Variants in RBMS3 observed in about 807,000 individuals in gnomAD.
RBMS3 encodes RNA binding motif single stranded interacting protein 3, also known as RNA-binding motif, single-stranded-interacting protein 3.
Under a neutral mutation model 66.8 loss-of-function variants are expected in RBMS3, and 27 were observed. The ratio of observed to expected loss-of-function variants is 0.40; its 90% CI spans 0.30 to 0.56. The LOEUF (loss-of-function observed/expected upper bound fraction) is 0.56, where lower values mean the gene tolerates loss of function less well. Among genes scored for constraint, RBMS3 ranks in the 20% least tolerant of loss-of-function variants. The pLI, the probability that RBMS3 is intolerant of heterozygous loss-of-function variation, is 0.40. For missense variants in RBMS3, 513 were observed against 549.5 expected, an observed-to-expected ratio of 0.93 and a Z score of 0.66; for synonymous variants, 188 against 183.0, an observed-to-expected ratio of 1.03 and a Z score of -0.22.
chr3:29,877,873 T>C (rs1284062573), intron 7 of RBMS3, among the ~76,000 whole-genome samples: 1 of 152,166 alleles, frequency 6.6e-6, no homozygotes, highest in African/African-American at 2.4e-5. Context: ...TTTCCGAGAA[T>C]AGTTTCTCCC....
At chr3:29,418,459 A>G (rs1306655000) in intron 1 of RBMS3, among the ~76,000 whole-genome samples, 1 of 152,182 alleles carries the variant, frequency 6.6e-6, no homozygotes, top group African/African-American at 2.4e-5. Context: ...AATAAATAAA[A>G]GGAAATGTGC....
At chr3:29,892,802 AGTATGTAT>A (rs370739212) in intron 8 of RBMS3, among the ~76,000 whole-genome samples, 28 of 140,300 alleles carry the variant, frequency 2.0e-4, no homozygotes, top group South Asian at 1.6e-3. Flanking sequence ...CTCTGCTTGA[AGTATGTAT>A]GTATGTATGT....
At chr3:29,383,477 C>T (rs991786983) in intron 1 of RBMS3, among the ~76,000 whole-genome samples, 2 of 152,158 alleles carry the variant, frequency 1.3e-5, no homozygotes, top group Non-Finnish European at 2.9e-5. Context: ...TCTTCCATGA[C>T]ACTTGTAAAT....
At chr3:29,544,442 A>G (rs2045873733) in intron 3 of RBMS3, among the ~76,000 whole-genome samples, 1 of 152,218 alleles carries the variant, frequency 6.6e-6, no homozygotes, top group East Asian at 1.9e-4. Context: ...TATATTAAAA[A>G]CTAACTTTGG....
intron 10 of RBMS3, among the ~76,000 whole-genome samples, chr3:29,915,867 C>G (rs2060626320): frequency 6.6e-6 from 1 of 151,934 alleles, no homozygotes; most frequent in Admixed American, 6.6e-5. Flanking sequence ...CTGGAAAAAA[C>G]TTCTAATGCA....
intron 4 of RBMS3, among the ~76,000 whole-genome samples, chr3:29,652,526 G>A (rs569776055): frequency 6.6e-6 from 1 of 152,086 alleles, no homozygotes; most frequent in South Asian, 2.1e-4. Context: ...GTGATCTTGG[G>A]GAGGAGTTGA....
rs147590464 is a variant in RBMS3 at position 29,619,871 on chromosome 3, GT to G, written c.399+32677del. 3.5e-4 allele frequency among the ~76,000 whole-genome samples: 52 copies of G among 147,256 alleles called. 1 individual carries two copies. Among genetic ancestry groups the G allele is most frequent in the Admixed American group, 1.5e-3 (22 of 14,670 alleles). On this transcript the variant is annotated intron_variant, in intron 4 of 14. Transcript: ENST00000383767. ...GAGTCTGGCACGTTCTAACAGTGAA[GT>G]TTTTTTTTTTACACGTGAGGCTGTT...
chr3:29,640,690 A>T (rs2049669870), intron 4 of RBMS3, among the ~76,000 whole-genome samples: 1 of 151,618 alleles, frequency 6.6e-6, no homozygotes, highest in South Asian at 2.1e-4. Context: ...TTCTGCTATC[A>T]ATCATATAGT....
At chr3:29,946,289 C>T (rs980342645) in intron 12 of RBMS3, among the ~76,000 whole-genome samples, 1 of 151,688 alleles carries the variant, frequency 6.6e-6, no homozygotes, top group South Asian at 2.1e-4. Context: ...ATTGTAATAT[C>T]TCCTTCCCAA....
At chr3:29,622,299 A>G (rs1472643167) in intron 4 of RBMS3, among the ~76,000 whole-genome samples, 2 of 152,216 alleles carry the variant, frequency 1.3e-5, no homozygotes, top group Non-Finnish European at 2.9e-5. Context: ...ATTGTAAAAA[A>G]TTTCGTGAAG....
At chr3:29,952,656 C>G (rs1695761370) in intron 12 of RBMS3, among the ~76,000 whole-genome samples, 1 of 151,814 alleles carries the variant, frequency 6.6e-6, no homozygotes, top group Non-Finnish European at 1.5e-5. Context: ...AATACTTATA[C>G]TTACCCAATC....
intron 6 of RBMS3, among the ~76,000 whole-genome samples, chr3:29,824,842 A>T (rs1475067170): frequency 6.6e-6 from 1 of 152,222 alleles, no homozygotes; most frequent in Non-Finnish European, 1.5e-5. Context: ...ACTGATTGCT[A>T]GTGAACCAAG....
At chr3:29,759,697 A>G (rs1305039319) in intron 5 of RBMS3, among the ~76,000 whole-genome samples, 2 of 135,314 alleles carry the variant, frequency 1.5e-5, no homozygotes, top group African/African-American at 5.9e-5. Flanking sequence ...TGGCTATTCA[A>G]ATATAGTCTC....
At position 29,447,111 on chromosome 3, in the gene RBMS3, C is replaced by G. The variant is rs2041861135; in HGVS notation, c.248+12196C>G. On this transcript the variant is annotated intron_variant, in intron 2 of 14. Transcript: ENST00000383767. ...TATTTTTTGTAAAGACGGGGTTTCA[C>G]CATGTTGGCCAGGCTGGTCTCGAAC... Among the ~76,000 whole-genome samples the G allele has an allele frequency of 4.6e-5, 7 of 151,868 alleles. No individual in the cohort carries two copies. In the South Asian group the frequency reaches 1.2e-3, roughly 27 times the overall value.
rs183795885 is a variant in RBMS3 at position 29,672,188 on chromosome 3, G to T, written c.400-67532G>T. Reference sequence around the variant, plus strand: ...AGAATTTCATATCCAGCCAAACTAAGCTTCATAAGTGAAGGAGAAATAAAA... The same window carrying T: ...AGAATTTCATATCCAGCCAAACTAATCTTCATAAGTGAAGGAGAAATAAAA... On this transcript the variant is annotated intron_variant, in intron 4 of 14. Coordinates refer to ENST00000383767, the MANE Select transcript of RBMS3 (RefSeq NM_001003793.3). Among the ~76,000 whole-genome samples the T allele has an allele frequency of 1.2e-4, 18 of 152,226 alleles. No homozygotes were observed. The East Asian group carries it at 3.5e-3, about 29-fold the overall frequency.
chr3:29,768,674 T>C (rs956312447), intron 6 of RBMS3, among the ~76,000 whole-genome samples: 2 of 151,914 alleles, frequency 1.3e-5, no homozygotes, highest in Non-Finnish European at 2.9e-5. Context: ...GGGGGAGTTA[T>C]CACCCCCTGG....
rs10440102 is a variant in RBMS3, at chr3:29,922,472, C to A, written c.940-13614C>A. ...ACTGCAGTCCGCAGTCCGGCCTGGG[C>A]GACAGAGCGAGACTCCGTCTCAAAA... On this transcript the variant is annotated intron_variant, in intron 10 of 14. Coordinates refer to ENST00000383767, the MANE Select transcript of RBMS3 (RefSeq NM_001003793.3). Among the ~76,000 whole-genome samples, 877 of 122,824 alleles carry A rather than the reference C, an allele frequency of 7.1e-3. 9 individuals carry two copies. Among genetic ancestry groups the A allele is most frequent in the African/African-American group, 0.026 (840 of 31,942 alleles). The allele number at this position is 122,824 out of a possible 152,430, so 80.6% of individuals were successfully genotyped here.
At chr3:29,598,283 T>C (rs1218149987) in intron 4 of RBMS3, among the ~76,000 whole-genome samples, 1 of 152,068 alleles carries the variant, frequency 6.6e-6, no homozygotes, top group African/African-American at 2.4e-5. Context: ...TGTAACATCA[T>C]TAAAACTGTG....
chr3:29,762,120 A>G (rs1461152730), intron 5 of RBMS3, among the ~76,000 whole-genome samples: 2 of 152,174 alleles, frequency 1.3e-5, no homozygotes, highest in African/African-American at 4.8e-5. Context: ...TTTAGGTTGT[A>G]TGTGAGATGC....
Sources: gnomAD v4.1 joint callset for allele counts (sites outside exome capture counted in the v4.1 genomes callset) on GRCh38, gnomAD v4.1.1 for gene constraint, MANE v1.5 for transcripts, NCBI Gene and HGNC (gene_info 2026-07-23, HGNC 2026-07-21) for gene names.